Variants in CCDC66 observed in about 807,000 individuals in gnomAD.
The protein encoded by CCDC66 is coiled-coil domain containing 66, also known as coiled-coil domain-containing protein 66.
Under a neutral mutation model 128.3 loss-of-function variants are expected in CCDC66, and 133 were observed. The observed-to-expected ratio is 1.04, with a 90% CI of 0.90 to 1.20. CCDC66 has a LOEUF of 1.20. Among genes scored for constraint, CCDC66 ranks in the 50% most tolerant of loss-of-function variants. CCDC66 has a pLI of 0.00. For synonymous variants in CCDC66, 387 were observed against 357.0 expected, an observed-to-expected ratio of 1.08 and a Z score of -0.95; for missense variants, 1,126 against 1,075.5, an observed-to-expected ratio of 1.05 and a Z score of -0.66.
intron 7 of CCDC66, among the ~76,000 whole-genome samples, chr3:56,592,220 C>T (rs989492738): frequency 3.3e-5 from 5 of 152,210 alleles, no homozygotes; most frequent in Non-Finnish European, 5.9e-5. Context: ...AAGTCTCTTG[C>T]TCTCACACAT....
At chr3:56,569,295 G>A in intron 6 of CCDC66, 1 of 313,220 alleles carries the variant, frequency 3.2e-6, no homozygotes, top group Non-Finnish European at 6.8e-6. Context: ...TGATAAAAGA[G>A]GTTTATTTGG....
Position 56,615,130 on chromosome 3 carries a change from A to G in CCDC66, c.1569A>G (p.Glu523=), listed in dbSNP as rs781222232. 8.7e-6 allele frequency: 14 copies of G among 1,613,294 alleles called. No individual in the cohort carries two copies. The highest frequency in any genetic ancestry group is 1.7e-5 in the Admixed American group (1 of 59,838). Reference sequence around the variant, plus strand: ...TAGTAACACATCAATATTGACAGGAAATCATGACTCTCAAGACAAATGAGC... The same window carrying G: ...TAGTAACACATCAATATTGACAGGAGATCATGACTCTCAAGACAAATGAGC... ...EDILKQKQKE[E]IMTLKTNELF... Residue 523 remains glutamate, a splice_region_variant and synonymous_variant, in exon 12 of 18, where the codon GAA becomes GAG. Coordinates refer to ENST00000394672, the MANE Select transcript of CCDC66 (RefSeq NM_001141947.3).
At chr3:56,557,849 T>TA (rs1260784744) in intron 1 of CCDC66, 1 of 152,664 alleles carries the variant, frequency 6.6e-6, no homozygotes, top group African/African-American at 2.4e-5. Context: ...AACTCAGACC[T>TA]AACTACACAT....
intron 6 of CCDC66, among the ~76,000 whole-genome samples, chr3:56,568,358 A>G (rs1164088051): frequency 6.6e-6 from 1 of 152,206 alleles, no homozygotes; most frequent in Non-Finnish European, 1.5e-5. Context: ...GGGTGCCAAA[A>G]TGCACAGATG....
intron 1 of CCDC66, chr3:56,558,006 A>G (rs925790665): frequency 3.3e-5 from 5 of 152,288 alleles, no homozygotes; most frequent in Non-Finnish European, 5.9e-5. Context: ...TTTCACCAAC[A>G]TAAACACGAA....
intron 10 of CCDC66, among the ~76,000 whole-genome samples, chr3:56,599,027 T>C (rs1439472142): frequency 6.6e-6 from 1 of 152,010 alleles, no homozygotes; most frequent in Admixed American, 6.6e-5. Context: ...TAGAATTCAT[T>C]AGTGAAGTTG....
chr3:56,557,952 T>C (rs1230697165), intron 1 of CCDC66: 6 of 152,198 alleles, frequency 3.9e-5, no homozygotes, highest in East Asian at 1.9e-4. Context: ...CAGTGCGTCA[T>C]TGAAGGTACT....
At chr3:56,583,515 T>C (rs958365086) in intron 7 of CCDC66, among the ~76,000 whole-genome samples, 1 of 151,896 alleles carries the variant, frequency 6.6e-6, no homozygotes, top group Non-Finnish European at 1.5e-5. Context: ...GGGAGCATGC[T>C]GCCTTCAAGC....
At chr3:56,583,401 C>T (rs1406796148) in intron 7 of CCDC66, among the ~76,000 whole-genome samples, 1 of 151,876 alleles carries the variant, frequency 6.6e-6, no homozygotes, top group Non-Finnish European at 1.5e-5. Context: ...AGCAGATAAA[C>T]AAGTGAACAA....
intron 7 of CCDC66, among the ~76,000 whole-genome samples, chr3:56,592,077 C>T (rs1156807841): frequency 1.3e-5 from 2 of 152,008 alleles, no homozygotes; most frequent in Non-Finnish European, 2.9e-5. Flanking sequence ...TTTACTTTTT[C>T]CTTAAGATTC....
In CCDC66 at chr3:56,557,192, G is replaced by A. The variant is rs928753541; in HGVS notation, c.-51G>A. 5.4e-5 allele frequency: 84 copies of A among 1,551,084 alleles called. No homozygotes were observed. Among genetic ancestry groups the A allele is most frequent in the Non-Finnish European group, 7.0e-5 (80 of 1,146,940 alleles). ...CGCTTGCTGAGCGGCGGCGGCAACC[G>A]ACGTACACAAGGGGCTTGAGCGTTC... is the stretch of plus-strand genomic sequence containing the variant. On this transcript the variant is annotated 5_prime_UTR_variant, in exon 1 of 18. Coordinates refer to ENST00000394672, the MANE Select transcript of CCDC66 (RefSeq NM_001141947.3).
intron 7 of CCDC66, among the ~76,000 whole-genome samples, chr3:56,574,881 T>C (rs1377215752): frequency 6.6e-6 from 1 of 151,824 alleles, no homozygotes; most frequent in African/African-American, 2.4e-5. Flanking sequence ...TTCATTTCTT[T>C]TTAATGCTAA....
intron 1 of CCDC66, 86 bp downstream of exon 1, chr3:56,557,339 G>A: frequency 6.6e-7 from 1 of 1,510,620 alleles, no homozygotes; most frequent in Non-Finnish European, 8.9e-7. Context: ...GTTGTCCCTT[G>A]GAGTCTTTAC....
chr3:56,600,213 A>G (rs952310912), intron 10 of CCDC66, among the ~76,000 whole-genome samples: 4 of 148,060 alleles, frequency 2.7e-5, no homozygotes, highest in African/African-American at 7.5e-5. Context: ...CAGTGGTGCA[A>G]TCTCAGCTCA....
chr3:56,611,935 G>A (rs566475209), intron 10 of CCDC66, among the ~76,000 whole-genome samples: 8 of 152,292 alleles, frequency 5.3e-5, no homozygotes, highest in Non-Finnish European at 1.0e-4. Flanking sequence ...TATTTGGGGT[G>A]TCTCCCAGCT....
At chr3:56,595,731 C>T (rs545693744) in intron 10 of CCDC66, among the ~76,000 whole-genome samples, 6 of 152,252 alleles carry the variant, frequency 3.9e-5, no homozygotes, top group South Asian at 2.1e-4. Flanking sequence ...CATGTTCTTT[C>T]GATAAATATC....
Position 56,567,043 on chromosome 3 carries a change from G to T in CCDC66, c.804G>T (p.Arg268Ser), listed in dbSNP as rs756952626. 1.2e-6 allele frequency: 2 copies of T among 1,612,524 alleles called. No individual in the cohort carries two copies. The highest frequency in any genetic ancestry group is 3.3e-5 in the Admixed American group (2 of 60,012). The change falls in exon 6 of 18, where the codon AGG becomes AGT. Residue 268 changes from arginine (R) to serine (S), a missense_variant. Arg to Ser is a moderately radical substitution (Grantham distance 110, BLOSUM62 -1). Coordinates refer to ENST00000394672, the MANE Select transcript of CCDC66 (RefSeq NM_001141947.3). Reference sequence around the variant, plus strand: ...TGGAAGCAAAAAAAGCCCAGTGGAGGAAAGAGCTAGGTAGGTAACTTTTAT... The same window carrying T: ...TGGAAGCAAAAAAAGCCCAGTGGAGTAAAGAGCTAGGTAGGTAACTTTTAT... ...SSLEAKKAQW[R>S]KELDEQVALK...
intron 7 of CCDC66, chr3:56,572,240 G>A (rs1234160209): frequency 3.5e-6 from 2 of 570,192 alleles, no homozygotes; most frequent in Admixed American, 4.8e-5. Context: ...AGTGTGTCTT[G>A]TGTAGTGCTT....
intron 10 of CCDC66, among the ~76,000 whole-genome samples, chr3:56,602,600 T>C (rs1246769722): frequency 6.6e-6 from 1 of 151,986 alleles, no homozygotes; most frequent in East Asian, 1.9e-4. Context: ...TGAATCCGTC[T>C]GGTCCTGGAC....
Sources: allele counts gnomAD v4.1 joint callset (sites outside exome capture counted in the v4.1 genomes callset), GRCh38; gene constraint gnomAD v4.1.1; transcripts MANE v1.5; gene names NCBI Gene and HGNC (gene_info 2026-07-23, HGNC 2026-07-21).